Variants in ENOX1 observed in about 807,000 individuals in gnomAD.
ENOX1 encodes candidate growth-related and time keeping constitutive hydroquinone (NADH) oxidase.
In ENOX1, 42 loss-of-function variants were observed where a neutral mutation model predicts 82.5. That is an observed-to-expected ratio of 0.51 (90% CI 0.40 to 0.66). ENOX1 has a LOEUF of 0.66. ENOX1 is among the 30% of genes least tolerant of loss of function. The pLI, the probability that ENOX1 is intolerant of heterozygous loss-of-function variation, is 0.00. For missense variants in ENOX1, 608 were observed against 811.6 expected (o/e 0.75, Z 3.05); for synonymous variants, 271 against 282.2 (o/e 0.96, Z 0.40).
intron 6 of ENOX1, among the ~76,000 whole-genome samples, chr13:43,360,506 T>C (rs1334784405): frequency 1.3e-5 from 2 of 152,002 alleles, no homozygotes; most frequent in Admixed American, 1.3e-4. Context: ...CGCACAATAC[T>C]TACTTGGCTG....
chr13:43,485,298 G>T (rs948663078), intron 2 of ENOX1, among the ~76,000 whole-genome samples: 19 of 152,102 alleles, frequency 1.2e-4, no homozygotes, highest in African/African-American at 4.6e-4. Flanking sequence ...GTGTTGCAGG[G>T]CTACTGCTCA....
At chr13:43,277,459 G>A (rs2045117252) in intron 12 of ENOX1, among the ~76,000 whole-genome samples, 1 of 152,180 alleles carries the variant, frequency 6.6e-6, no homozygotes, top group Non-Finnish European at 1.5e-5. Context: ...TCATTACTCT[G>A]GGAGCCTGGG....
intron 2 of ENOX1, among the ~76,000 whole-genome samples, chr13:43,561,166 A>G (rs915620790): frequency 6.4e-5 from 9 of 141,592 alleles, no homozygotes; most frequent in South Asian, 2.5e-4. Flanking sequence ...TAGATTTTAT[A>G]TTTTAGGGTT....
intron 2 of ENOX1, chr13:43,547,822 G>A (rs909994089): frequency 1.3e-5 from 2 of 152,154 alleles, no homozygotes; most frequent in Non-Finnish European, 2.9e-5. Flanking sequence ...TAGAAAGTGG[G>A]ACTCTCTGGT....
intron 8 of ENOX1, among the ~76,000 whole-genome samples, chr13:43,351,948 G>A (rs1366109922): frequency 1.3e-5 from 2 of 152,140 alleles, no homozygotes; most frequent in Admixed American, 1.3e-4. Flanking sequence ...GAAATAATTT[G>A]CAAACAGGCT....
At chr13:43,449,553 A>C (rs2056844382) in intron 3 of ENOX1, among the ~76,000 whole-genome samples, 1 of 152,250 alleles carries the variant, frequency 6.6e-6, no homozygotes, top group Admixed American at 6.5e-5. Flanking sequence ...GTGTTAAACA[A>C]ATTTTAATTT....
chr13:43,457,988 G>T (rs779628888), intron 3 of ENOX1, among the ~76,000 whole-genome samples: 3 of 152,080 alleles, frequency 2.0e-5, no homozygotes, highest in Non-Finnish European at 2.9e-5. Flanking sequence ...ATTTATGTTA[G>T]CTTGCAGGTA....
chr13:43,657,080 T>G (rs2084471446), intron 2 of ENOX1, among the ~76,000 whole-genome samples: 3 of 152,192 alleles, frequency 2.0e-5, no homozygotes, highest in African/African-American at 2.4e-5. Flanking sequence ...AAGTAGACCA[T>G]AGTCCACAGT....
chr13:43,746,055 A>G (rs1250459843), intron 1 of ENOX1, among the ~76,000 whole-genome samples: 1 of 152,182 alleles, frequency 6.6e-6, no homozygotes, highest in Non-Finnish European at 1.5e-5. Context: ...TATCTATTTG[A>G]ATTGACTTGA....
intron 15 of ENOX1, among the ~76,000 whole-genome samples, chr13:43,229,849 A>C (rs916070609): frequency 6.6e-6 from 1 of 152,242 alleles, no homozygotes; most frequent in African/African-American, 2.4e-5. Flanking sequence ...CTATTTTCTC[A>C]GATGAGAATA....
chr13:43,729,676 A>G (rs1449556015), intron 1 of ENOX1, among the ~76,000 whole-genome samples: 1 of 152,230 alleles, frequency 6.6e-6, no homozygotes, highest in Non-Finnish European at 1.5e-5. Context: ...TCCAAGTGGA[A>G]TTAAGTTTTA....
At chr13:43,736,848 T>G (rs1311389482) in intron 1 of ENOX1, among the ~76,000 whole-genome samples, 1 of 152,150 alleles carries the variant, frequency 6.6e-6, no homozygotes, top group African/African-American at 2.4e-5. Flanking sequence ...AGGTTCAAGG[T>G]GGAAAGAGAT....
At chr13:43,579,272 G>T (rs2080592103) in intron 2 of ENOX1, among the ~76,000 whole-genome samples, 2 of 152,138 alleles carry the variant, frequency 1.3e-5, no homozygotes, top group Non-Finnish European at 2.9e-5. Context: ...GATGGTTTTA[G>T]GAGTAAGTTA....
intron 2 of ENOX1, among the ~76,000 whole-genome samples, chr13:43,529,962 T>C (rs1465391968): frequency 1.3e-5 from 2 of 152,120 alleles, no homozygotes; most frequent in Non-Finnish European, 2.9e-5. Flanking sequence ...ATCCAGGTAG[T>C]CTGAGTTTAA....
intron 3 of ENOX1, among the ~76,000 whole-genome samples, chr13:43,462,165 C>T (rs1236296431): frequency 6.6e-6 from 1 of 152,148 alleles, no homozygotes; most frequent in Non-Finnish European, 1.5e-5. Flanking sequence ...ATTTAGAACA[C>T]AAGTCATGTA....
intron 5 of ENOX1, among the ~76,000 whole-genome samples, chr13:43,364,394 C>T (rs1051831054): frequency 1.3e-5 from 2 of 152,146 alleles, no homozygotes; most frequent in African/African-American, 2.4e-5. Flanking sequence ...TTTATCACAA[C>T]TGTACTGAAA....
chr13:43,695,442 A>ATT (rs146985894), intron 1 of ENOX1, among the ~76,000 whole-genome samples: 1 of 94,676 alleles, frequency 1.1e-5, no homozygotes, highest in Admixed American at 1.2e-4. Context: ...AAAAAATCTA[A>ATT]TTTTTTTTTT....
At chr13:43,664,148 T>C (rs1594317823) in intron 2 of ENOX1, among the ~76,000 whole-genome samples, 1 of 152,244 alleles carries the variant, frequency 6.6e-6, no homozygotes, top group East Asian at 1.9e-4. Flanking sequence ...AAGAAAAACT[T>C]ACCATGTTAA....
At chr13:43,677,654 C>T (rs75172691) in intron 1 of ENOX1, among the ~76,000 whole-genome samples, 6,977 of 152,232 alleles carry the variant, frequency 0.046, 213 homozygotes, top group Non-Finnish European at 0.07. Context: ...TACACAATTT[C>T]ACACTATAAC....
Sources: gnomAD v4.1 joint callset for allele counts (sites outside exome capture counted in the v4.1 genomes callset) on GRCh38, gnomAD v4.1.1 for gene constraint, MANE v1.5 for transcripts, NCBI Gene and HGNC (gene_info 2026-07-23, HGNC 2026-07-21) for gene names.